MAP4K3: variants seen among roughly 807,000 people sequenced by gnomAD.
The protein encoded by MAP4K3 is mitogen-activated protein kinase kinase kinase kinase 3, also known as MAPK/ERK kinase kinase kinase 3.
A neutral mutation model predicts 143.5 loss-of-function variants in MAP4K3; 94 were observed. The ratio of observed to expected loss-of-function variants is 0.65; its 90% CI spans 0.55 to 0.78. The LOEUF is 0.78. Ranked by LOEUF, MAP4K3 falls within the 30% of genes least tolerant of loss-of-function variation. The pLI is 0.00. For missense variants in MAP4K3, 1,077 were observed against 1,068.1 expected (o/e 1.01, Z -0.12); for synonymous variants, 416 against 347.2 (o/e 1.20, Z -2.20).
intron 2 of MAP4K3, among the ~76,000 whole-genome samples, chr2:39,376,524 A>C (rs1160878320): frequency 6.6e-6 from 1 of 152,186 alleles, no homozygotes; most frequent in African/African-American, 2.4e-5. Context: ...TCAAGTTTTT[A>C]ATTTTTTAAG....
rs1198970703 is a variant in MAP4K3 at position 39,326,215 on chromosome 2, C to T, written c.593G>A (p.Trp198Ter). The T allele has an allele frequency of 6.2e-7, 1 of 1,613,690 alleles. No individual in the cohort carries two copies. The change falls in exon 9 of 34, where the codon TGG (tryptophan) becomes TAG (stop). Residue 198 changes from tryptophan to a stop codon, truncating the protein, a stop_gained. Coordinates refer to ENST00000263881, the MANE Select transcript of MAP4K3 (RefSeq NM_003618.4). LOFTEE classifies it high-confidence loss of function. The part of the protein sequence containing the change: ...KGGYNQLCDL[W>*]AVGITAIELA... Reference sequence around the variant, plus strand: ...TTCTATGGCAGTGATTCCCACTGCCCAGAGATCACAGAGTTGATTGTAACC... The same window carrying T: ...TTCTATGGCAGTGATTCCCACTGCCTAGAGATCACAGAGTTGATTGTAACC...
chr2:39,332,246 T>C (rs911701925), intron 7 of MAP4K3, among the ~76,000 whole-genome samples: 3 of 152,006 alleles, frequency 2.0e-5, no homozygotes, highest in African/African-American at 7.2e-5. Flanking sequence ...CAAGATCAAA[T>C]AATTTTGAAG....
chr2:39,291,981 T>A (rs1170946871), intron 18 of MAP4K3, among the ~76,000 whole-genome samples: 1 of 151,952 alleles, frequency 6.6e-6, no homozygotes, highest in African/African-American at 2.4e-5. Context: ...GATCAACCTA[T>A]GCCCTCAACT....
rs764387943 is a variant in MAP4K3, at chr2:39,290,275, AAAAT to A, written c.1314+13_1314+16del. 3.8e-6 allele frequency: 6 copies of A among 1,590,740 alleles called. No individual in the cohort carries two copies. Among genetic ancestry groups the A allele is most frequent in the Admixed American group, 1.8e-5 (1 of 55,560 alleles). On this transcript the variant is annotated intron_variant, in intron 19 of 33. Transcript: ENST00000263881. ...CAATAACACACATATATCAAATTGA[AAAAT>A]AAATCTGTCTACCTTTGGTGGCAAA...
At chr2:39,406,973 T>TA (rs1306562341) in intron 1 of MAP4K3, among the ~76,000 whole-genome samples, 1 of 152,140 alleles carries the variant, frequency 6.6e-6, no homozygotes, top group Non-Finnish European at 1.5e-5. Flanking sequence ...CTCATGAACA[T>TA]AAAAAATTCT....
At chr2:39,371,793 C>CAT (rs1422771999) in intron 2 of MAP4K3, among the ~76,000 whole-genome samples, 2 of 151,724 alleles carry the variant, frequency 1.3e-5, no homozygotes, top group African/African-American at 4.8e-5. Context: ...AAGGTCACTA[C>CAT]ATATATATCC....
rs1664986416 is a variant in MAP4K3, at chr2:39,336,927, T to A, written c.407A>T (p.Asp136Val). 2 of 1,280,198 alleles carry A rather than the reference T, an allele frequency of 1.6e-6. No individual in the cohort carries two copies. The highest frequency in any genetic ancestry group is 2.2e-6 in the Non-Finnish European group (2 of 910,844). 79.3% of individuals were successfully genotyped at this position (1,280,198 alleles called of 1,614,324 possible). Residue 136 changes from aspartate (D) to valine (V), a missense_variant, in exon 6 of 34, where the codon GAT becomes GTT. By Grantham distance (152) the Asp-to-Val change is radical (BLOSUM62 -3). This residue lies in a region of MAP4K3 where 213 missense variants were observed against 266.8 expected (regional missense o/e 0.80). Coordinates refer to ENST00000263881, the MANE Select transcript of MAP4K3 (RefSeq NM_003618.4). The stretch of plus-strand genomic sequence containing the variant: ...TAAAAATATAATGTATACCTTTATA[T>A]CTCTGTGCATTTTTCCTTTACTGTG... ...YLHSKGKMHR[D>V]IKGANILLTD...
At chr2:39,280,927 T>A (rs1184501771) in intron 22 of MAP4K3, among the ~76,000 whole-genome samples, 1 of 152,208 alleles carries the variant, frequency 6.6e-6, no homozygotes, top group Non-Finnish European at 1.5e-5. Context: ...AAAGCTTAAC[T>A]CTTTGATGTT....
intron 1 of MAP4K3, among the ~76,000 whole-genome samples, chr2:39,400,908 T>A (rs1323361534): frequency 6.6e-6 from 1 of 152,104 alleles, no homozygotes; most frequent in Non-Finnish European, 1.5e-5. Flanking sequence ...TCTTTAGACA[T>A]GAAATATCGG....
intron 29 of MAP4K3, among the ~76,000 whole-genome samples, chr2:39,259,220 A>G (rs975390326): frequency 1.3e-5 from 2 of 152,108 alleles, no homozygotes; most frequent in African/African-American, 4.8e-5. Flanking sequence ...GTTTGTCTAT[A>G]TATGCCAAAA....
rs533784145 is a variant in MAP4K3 at position 39,286,997 on chromosome 2, A to G, written c.1475-33T>C. The G allele has an allele frequency of 6.9e-6, 9 of 1,307,544 alleles. No homozygotes were observed. In the South Asian group the frequency reaches 9.6e-5, roughly 14 times the overall value. 81.0% of individuals were successfully genotyped at this position (1,307,544 alleles called of 1,614,324 possible). ...AAGATATATTCATTGAAAATGATTA[A>G]TCTTCATGAAAACTTTTATTCAGAA... On this transcript the variant is annotated intron_variant, in intron 20 of 33. Coordinates refer to ENST00000263881, the MANE Select transcript of MAP4K3 (RefSeq NM_003618.4).
intron 7 of MAP4K3, 106 bp from the exon 8 acceptor site, chr2:39,332,095 C>T (rs1287048033): frequency 3.6e-6 from 2 of 555,030 alleles, no homozygotes; most frequent in Non-Finnish European, 6.4e-6. Context: ...GTTAATTTTA[C>T]AGCAATACGG....
chr2:39,429,652 A>T (rs572235072), intron 1 of MAP4K3, among the ~76,000 whole-genome samples: 60 of 152,356 alleles, frequency 3.9e-4, no homozygotes, highest in Admixed American at 3.3e-3. Context: ...AGAATTATGT[A>T]TCTCAAAATT....
chr2:39,319,587 T>C (rs1195715101), intron 12 of MAP4K3, among the ~76,000 whole-genome samples: 1 of 152,208 alleles, frequency 6.6e-6, no homozygotes, highest in Non-Finnish European at 1.5e-5. Context: ...AGGTAACTGT[T>C]AATGATAGTA....
chr2:39,288,662 G>A (rs1000339203), intron 19 of MAP4K3, among the ~76,000 whole-genome samples: 7 of 152,130 alleles, frequency 4.6e-5, no homozygotes, highest in East Asian at 1.9e-4. Flanking sequence ...GTTCAGCTCC[G>A]TATCAAGGCT....
chr2:39,325,896 TA>T lies in MAP4K3; in HGVS notation c.725+2del. On this transcript the variant is annotated splice_donor_variant, in intron 10 of 33. Coordinates refer to ENST00000263881, the MANE Select transcript of MAP4K3 (RefSeq NM_003618.4). LOFTEE classifies it high-confidence loss of function. ...TAAAAGTAAATAACATAAAAATACT[TA>T]CCATTTCATTTTATCCTTTAGTTTA... 1 of 1,576,518 alleles carries T rather than the reference TA, an allele frequency of 6.3e-7. No individual in the cohort carries two copies. Among genetic ancestry groups the T allele is most frequent in the Non-Finnish European group, 8.7e-7 (1 of 1,151,958 alleles).
At chr2:39,387,042 G>C (rs1666524728) in intron 1 of MAP4K3, among the ~76,000 whole-genome samples, 1 of 152,092 alleles carries the variant, frequency 6.6e-6, no homozygotes, top group Non-Finnish European at 1.5e-5. Context: ...GCCAACTCCT[G>C]ACCTCAAGTG....
chr2:39,356,504 T>C (rs1257213665), intron 2 of MAP4K3, among the ~76,000 whole-genome samples, 165 bp from the exon 3 acceptor site: 1 of 152,222 alleles, frequency 6.6e-6, no homozygotes, highest in Non-Finnish European at 1.5e-5. Context: ...TTAATGACAA[T>C]TTCAGTCCTG....
At chr2:39,424,969 T>G (rs1263259671) in intron 1 of MAP4K3, among the ~76,000 whole-genome samples, 1 of 152,112 alleles carries the variant, frequency 6.6e-6, no homozygotes, top group Non-Finnish European at 1.5e-5. Flanking sequence ...GGTTCAAGTT[T>G]GTATTATCTA....
Sources: gnomAD v4.1 joint callset for allele counts (sites outside exome capture counted in the v4.1 genomes callset) on GRCh38, gnomAD v4.1.1 for gene constraint, gnomAD v4.1.1 regional missense constraint, MANE v1.5 for transcripts, NCBI Gene and HGNC (gene_info 2026-07-23, HGNC 2026-07-21) for gene names.